The following PCDHGA3 variants were observed in gnomAD, a reference collection of about 807,000 sequenced individuals.
The protein encoded by PCDHGA3 is protocadherin gamma-A3.
Under a neutral mutation model 58.5 loss-of-function variants are expected in PCDHGA3, and 40 were observed. The observed-to-expected ratio is 0.68, with a 90% CI of 0.53 to 0.89. The LOEUF (loss-of-function observed/expected upper bound fraction) is 0.89, where lower values mean the gene tolerates loss of function less well. Ranked by LOEUF, PCDHGA3 falls within the 40% of genes least tolerant of loss-of-function variation. PCDHGA3 has a pLI of 0.00. For synonymous variants in PCDHGA3, 530 were observed against 525.7 expected (o/e 1.01, Z -0.11); for missense variants, 1,223 against 1,195.9 (o/e 1.02, Z -0.33).
rs1363636662 is a variant in PCDHGA3, at chr5:141,356,692, G to C, written c.2424+10235G>C. ...CTCCCTGGCCGAAGACACCTTCCAG[G>C]GTGCACCTCTGTCCTCCTATGTCTC... On this transcript the variant is annotated intron_variant, in intron 1 of 3. Transcript: ENST00000253812. The C allele has an allele frequency of 1.2e-6, 2 of 1,613,832 alleles. No homozygotes were observed. Among genetic ancestry groups the C allele is most frequent in the African/African-American group, 2.7e-5 (2 of 74,892 alleles).
chr5:141,402,563 T>C (rs2094279860), intron 1 of PCDHGA3, among the ~76,000 whole-genome samples: 1 of 152,232 alleles, frequency 6.6e-6, no homozygotes, highest in African/African-American at 2.4e-5. Flanking sequence ...TTCCACTTTA[T>C]TTACAACTCA....
At chr5:141,457,784 T>G (rs1021614051) in intron 1 of PCDHGA3, among the ~76,000 whole-genome samples, 1 of 152,210 alleles carries the variant, frequency 6.6e-6, no homozygotes, top group Non-Finnish European at 1.5e-5. Flanking sequence ...TACCTGTGAG[T>G]TGGGTTATCC....
intron 1 of PCDHGA3, among the ~76,000 whole-genome samples, chr5:141,382,210 G>T (rs61675507): frequency 0.17 from 26,250 of 151,970 alleles, 2,491 homozygotes; most frequent in Admixed American, 0.27. Context: ...TATTAAAATA[G>T]GTCTATATAT....
chr5:141,385,125 C>T (rs1206430746), intron 1 of PCDHGA3: 7 of 1,614,212 alleles, frequency 4.3e-6, no homozygotes, highest in Non-Finnish European at 8.5e-7. Context: ...ACTTTGTGGG[C>T]ATGGACGGGG....
In PCDHGA3 at chr5:141,485,216, G is replaced by C. The variant is rs757059807; in HGVS notation, c.2425-9591G>C. On this transcript the variant is annotated intron_variant, in intron 1 of 3. Transcript: ENST00000253812. The surrounding 1 kb of genome is among the most constrained non-coding windows in gnomAD (Gnocchi z 5.7). ...AAGCTGGACAGAAATCTGGCGGTGG[G>C]CTACCCTTTTGTTCCTCTTTTACCA... 2.5e-6 allele frequency: 4 copies of C among 1,614,144 alleles called. No homozygotes were observed. In the South Asian group the frequency reaches 4.4e-5, roughly 18 times the overall value.
At chr5:141,441,984 A>G (rs1202392318) in intron 1 of PCDHGA3, 4 of 275,400 alleles carry the variant, frequency 1.5e-5, no homozygotes, top group South Asian at 7.2e-5. Flanking sequence ...TGGAATGCGC[A>G]CCGACGAGGT....
chr5:141,487,675 A>G lies in PCDHGA3; in HGVS notation c.2425-7132A>G, dbSNP rs752606441. ...GTTATTCTGATCCAGGCATATGGCT[A>G]GGCCATGTCCTAGAGAGTACTGGCC... On this transcript the variant is annotated intron_variant, in intron 1 of 3. Transcript: ENST00000253812. This position sits in a 1 kb window ranked among gnomAD's most constrained non-coding sequence, Gnocchi z 5.0. 22 of 1,611,038 alleles carry G rather than the reference A, an allele frequency of 1.4e-5. No individual in the cohort carries two copies. Among genetic ancestry groups the G allele is most frequent in the Non-Finnish European group, 1.7e-5 (20 of 1,178,458 alleles).
chr5:141,504,461 C>T (rs1485490028), intron 2 of PCDHGA3, among the ~76,000 whole-genome samples: 1 of 151,900 alleles, frequency 6.6e-6, no homozygotes, highest in Non-Finnish European at 1.5e-5. Flanking sequence ...GTGGGGCAGC[C>T]GCTGGGATGG....
intron 1 of PCDHGA3, chr5:141,360,351 G>T: frequency 6.2e-7 from 1 of 1,613,876 alleles, no homozygotes; most frequent in Non-Finnish European, 8.5e-7. Context: ...GCGCGGAGAA[G>T]GAATATTTCA....
In PCDHGA3 at chr5:141,505,435, G is replaced by A. The variant is rs1274195652; in HGVS notation, c.2526G>A (p.Gln842=). The change falls in exon 3 of 4, where the codon CAG becomes CAA. Residue 842 remains glutamine, a synonymous_variant. Transcript: ENST00000253812. ...GDDTGTWPNN[Q]FDTEMLQAMI... is the part of the protein sequence containing the mutation. ...ACACCGGCACCTGGCCCAACAACCA[G>A]TTTGACACAGAGATGCTGCAAGCCA... 1 of 1,614,096 alleles carries A rather than the reference G, an allele frequency of 6.2e-7. No homozygotes were observed. Among genetic ancestry groups the A allele is most frequent in the African/African-American group, 1.3e-5 (1 of 74,936 alleles).
intron 1 of PCDHGA3, among the ~76,000 whole-genome samples, chr5:141,353,480 T>G (rs1305148453): frequency 6.6e-6 from 1 of 152,226 alleles, no homozygotes; most frequent in Non-Finnish European, 1.5e-5. Flanking sequence ...ATTAAGACTC[T>G]TAACACTTTG....
chr5:141,405,141 A>T (rs749502643), intron 1 of PCDHGA3: 4 of 1,613,862 alleles, frequency 2.5e-6, no homozygotes, highest in African/African-American at 1.3e-5. Flanking sequence ...GCTACCAGTG[A>T]TGGGTTGGCT....
rs1001717368 is a variant in PCDHGA3 at position 141,405,559 on chromosome 5, G to A, written c.2424+59102G>A. ...CTCAGCCTCCCAAGTAGAGTAGCTG[G>A]GACTAGAGTAGAGTAGCTGGGACTA... On this transcript the variant is annotated intron_variant, in intron 1 of 3. Transcript: ENST00000253812. 1.8e-5 allele frequency: 11 copies of A among 614,566 alleles called. No individual in the cohort carries two copies. In the Admixed American group the frequency reaches 2.9e-4, roughly 16 times the overall value. The allele number at this position is 614,566 out of a possible 1,614,324, so 38.1% of individuals were successfully genotyped here.
intron 1 of PCDHGA3, among the ~76,000 whole-genome samples, chr5:141,347,137 CTCTTTCTTTCTTTCTTTCTT>C (rs70988799): frequency 0.034 from 3,919 of 113,830 alleles, 81 homozygotes; most frequent in Middle Eastern, 0.092. Context: ...CTCTGTTTCT[CTCTTTCTTTCTTTCTTTCTT>C]TCTTTCTTTC....
Position 141,345,613 on chromosome 5 carries a change from A to T in PCDHGA3, c.1580A>T (p.Asp527Val). ...TCCTTCGACTACGAGCAATTTAGAGACTTAAAGCTACTGGTGACAGCCAGC... is the reference window on the plus strand; with the variant it reads ...TCCTTCGACTACGAGCAATTTAGAGTCTTAAAGCTACTGGTGACAGCCAGC... The part of the protein sequence containing the change: ...LRSFDYEQFR[D>V]LKLLVTASDS... The change falls in exon 1 of 4, where the codon GAC becomes GTC. Residue 527 changes from aspartate to valine, a missense_variant. Asp to Val is a radical substitution (Grantham distance 152, BLOSUM62 -3). This residue lies in a region of PCDHGA3 where 791 missense variants were observed against 708.5 expected (regional missense o/e 1.12). Transcript: ENST00000253812. 1.2e-6 allele frequency: 2 copies of T among 1,614,080 alleles called. No homozygotes were observed. The highest frequency in any genetic ancestry group is 8.5e-7 in the Non-Finnish European group (1 of 1,180,014).
chr5:141,413,836 G>A, intron 1 of PCDHGA3: 2 of 1,613,256 alleles, frequency 1.2e-6, no homozygotes, highest in Non-Finnish European at 1.7e-6. Context: ...CGCCTCCGAC[G>A]GGGGTGACCC....
chr5:141,375,344 A>G lies in PCDHGA3; in HGVS notation c.2424+28887A>G, dbSNP rs777877762. 4 of 1,613,836 alleles carry G rather than the reference A, an allele frequency of 2.5e-6. No individual in the cohort carries two copies. The Admixed American group carries it at 6.7e-5, about 27-fold the overall frequency. Reference sequence around the variant, plus strand: ...GGAAGAGGTATTCTTGTACAACATCACTGTGACAGCCACGGACAAAGGAAC... The same window carrying G: ...GGAAGAGGTATTCTTGTACAACATCGCTGTGACAGCCACGGACAAAGGAAC... On this transcript the variant is annotated intron_variant, in intron 1 of 3. Coordinates refer to ENST00000253812, the MANE Select transcript of PCDHGA3 (RefSeq NM_018916.4).
At chr5:141,430,950 TC>T (rs1353555538) in intron 1 of PCDHGA3, 1 of 1,609,980 alleles carries the variant, frequency 6.2e-7, no homozygotes, top group East Asian at 2.2e-5. Flanking sequence ...GAGCGCGGAG[TC>T]CGCATCATCC....
chr5:141,511,353 A>C lies in PCDHGA3; in HGVS notation c.*180A>C. ...AGTCAGCACCTACCCCTTCCCCCCC[A>C]GGGGGTTGAATATGCAAAAGCAGTT... On this transcript the variant is annotated 3_prime_UTR_variant, in exon 4 of 4. Transcript: ENST00000253812. 7.3e-7 allele frequency: 1 copy of C among 1,371,054 alleles called. No individual in the cohort carries two copies. Among genetic ancestry groups the C allele is most frequent in the Non-Finnish European group, 9.7e-7 (1 of 1,027,740 alleles). The allele number at this position is 1,371,054 out of a possible 1,614,324, so 84.9% of individuals were successfully genotyped here. A position where few individuals can be genotyped will look rare whatever the true frequency, so the allele number is the denominator to read the frequency against.
Sources: gnomAD v4.1 joint callset for allele counts (sites outside exome capture counted in the v4.1 genomes callset) on GRCh38, gnomAD v4.1.1 for gene constraint, gnomAD v4.1.1 regional missense constraint, Gnocchi (gnomAD v3.1) non-coding constraint, MANE v1.5 for transcripts, NCBI Gene and HGNC (gene_info 2026-07-23, HGNC 2026-07-21) for gene names.